Variants in PPM1L observed in about 807,000 individuals in gnomAD.
PPM1L encodes the protein protein phosphatase 1L.
A neutral mutation model predicts 31.4 loss-of-function variants in PPM1L; 13 were observed. That is an observed-to-expected ratio of 0.41 (90% confidence interval 0.27 to 0.66). The LOEUF (loss-of-function observed/expected upper bound fraction) is 0.66. Ranked by LOEUF, PPM1L falls within the 30% of genes least tolerant of loss-of-function variation. The pLI, the probability that PPM1L is intolerant of heterozygous loss-of-function variation, is 0.29. For synonymous variants in PPM1L, 184 were observed against 175.4 expected, an observed-to-expected ratio of 1.05 and a Z score of -0.39; for missense variants, 326 against 453.7, an observed-to-expected ratio of 0.72 and a Z score of 2.56.
At chr3:160,992,771 C>T (rs143539818) in intron 2 of PPM1L, among the ~76,000 whole-genome samples, 9 of 152,316 alleles carry the variant, frequency 5.9e-5, no homozygotes, top group Non-Finnish European at 1.5e-5. Flanking sequence ...GTTTGGATCA[C>T]ATGTTCTTCT....
intron 1 of PPM1L, among the ~76,000 whole-genome samples, chr3:160,837,343 T>G (rs1713750890): frequency 6.6e-6 from 1 of 152,182 alleles, no homozygotes; most frequent in African/African-American, 2.4e-5. Context: ...ATGATACTGT[T>G]ATAAGCTTAT....
At chr3:160,938,908 C>T (rs1460505182) in intron 1 of PPM1L, among the ~76,000 whole-genome samples, 1 of 152,192 alleles carries the variant, frequency 6.6e-6, no homozygotes, top group Admixed American at 6.5e-5. Context: ...AACAGCATGC[C>T]TTACCCACTT....
chr3:160,792,538 A>G (rs536956507), intron 1 of PPM1L, among the ~76,000 whole-genome samples: 1 of 152,302 alleles, frequency 6.6e-6, no homozygotes, highest in African/African-American at 2.4e-5. Flanking sequence ...TGATGAGCCA[A>G]TATTGATACA....
At chr3:160,808,394 T>A (rs1206881817) in intron 1 of PPM1L, among the ~76,000 whole-genome samples, 1 of 146,770 alleles carries the variant, frequency 6.8e-6, no homozygotes, top group Non-Finnish European at 1.5e-5. Flanking sequence ...TGTGTGTGTG[T>A]GTGTGTGTGT....
At chr3:160,768,582 A>G (rs933635133) in intron 1 of PPM1L, among the ~76,000 whole-genome samples, 13 of 152,218 alleles carry the variant, frequency 8.5e-5, no homozygotes, top group Admixed American at 7.9e-4. Flanking sequence ...TAGTTTCTAG[A>G]TAATCAGTAG....
chr3:161,057,133 G>C (rs1252827513), intron 2 of PPM1L, among the ~76,000 whole-genome samples: 2 of 152,098 alleles, frequency 1.3e-5, no homozygotes, highest in Non-Finnish European at 2.9e-5. Flanking sequence ...TCAGCCTAAT[G>C]GGTCAAAGAA....
chr3:160,891,299 AC>A (rs1441544064), intron 1 of PPM1L, among the ~76,000 whole-genome samples: 3 of 152,164 alleles, frequency 2.0e-5, no homozygotes, highest in African/African-American at 4.8e-5. Flanking sequence ...AAGAAAAAAA[AC>A]AACCCCATCA....
rs184395954 is a variant in PPM1L, at chr3:160,839,248, G to A, written c.399+82541G>A. On this transcript the variant is annotated intron_variant, in intron 1 of 3. Coordinates refer to ENST00000498165, the MANE Select transcript of PPM1L (RefSeq NM_139245.4). ...ACAACTTATTTGTAATTATGTTTGCGTAGCAAACTCACTGTTTTTACTTAG... is the reference window on the plus strand; with the variant it reads ...ACAACTTATTTGTAATTATGTTTGCATAGCAAACTCACTGTTTTTACTTAG... Among the ~76,000 whole-genome samples the A allele has an allele frequency of 1.3e-3, 192 of 152,322 alleles. 1 individual carries two copies. The highest frequency in any genetic ancestry group is 4.0e-3 in the African/African-American group (168 of 41,574).
At chr3:160,821,002 C>A (rs1194683540) in intron 1 of PPM1L, among the ~76,000 whole-genome samples, 1 of 151,790 alleles carries the variant, frequency 6.6e-6, no homozygotes, top group African/African-American at 2.4e-5. Flanking sequence ...CAGTTTATAC[C>A]CCCATTTGTA....
intron 1 of PPM1L, among the ~76,000 whole-genome samples, chr3:160,823,004 G>A (rs886204940): frequency 1.3e-5 from 2 of 151,914 alleles, no homozygotes; most frequent in Non-Finnish European, 2.9e-5. Flanking sequence ...GTGAATCTTA[G>A]AAGACAAAGT....
At chr3:160,790,080 G>A (rs1353808369) in intron 1 of PPM1L, among the ~76,000 whole-genome samples, 2 of 152,018 alleles carry the variant, frequency 1.3e-5, no homozygotes, top group Non-Finnish European at 2.9e-5. Context: ...ACAAAGTTCA[G>A]TACATGAAAC....
At chr3:160,959,596 G>C (rs1312428744) in intron 1 of PPM1L, among the ~76,000 whole-genome samples, 3 of 152,172 alleles carry the variant, frequency 2.0e-5, no homozygotes, top group African/African-American at 7.2e-5. Context: ...TTCGGAGGCT[G>C]AGGCGGGTGC....
intron 2 of PPM1L, among the ~76,000 whole-genome samples, chr3:161,028,965 T>C (rs1263163122): frequency 6.6e-6 from 1 of 152,214 alleles, no homozygotes; most frequent in East Asian, 1.9e-4. Context: ...TCATCACAGT[T>C]AATACACTTT....
At chr3:160,944,508 C>T (rs547485505) in intron 1 of PPM1L, among the ~76,000 whole-genome samples, 1 of 149,588 alleles carries the variant, frequency 6.7e-6, no homozygotes, top group South Asian at 2.1e-4. Context: ...CTAAGACTCT[C>T]TAACTTTTTA....
chr3:160,943,478 A>G (rs1478869038), intron 1 of PPM1L, among the ~76,000 whole-genome samples: 1 of 152,188 alleles, frequency 6.6e-6, no homozygotes, highest in Non-Finnish European at 1.5e-5. Context: ...GCTATCATTT[A>G]CAGAAGTTGT....
At chr3:160,787,656 A>G (rs1201101085) in intron 1 of PPM1L, among the ~76,000 whole-genome samples, 1 of 152,062 alleles carries the variant, frequency 6.6e-6, no homozygotes, top group East Asian at 1.9e-4. Flanking sequence ...TGGAGTCTTT[A>G]TCATGAAATC....
chr3:160,805,065 A>C (rs934660022), intron 1 of PPM1L, among the ~76,000 whole-genome samples: 1 of 152,138 alleles, frequency 6.6e-6, no homozygotes, highest in African/African-American at 2.4e-5. Context: ...GAAGCTGGCT[A>C]TGTTCCCAGC....
chr3:160,976,814 C>CA (rs1400536896), intron 2 of PPM1L, among the ~76,000 whole-genome samples: 2 of 152,154 alleles, frequency 1.3e-5, no homozygotes, highest in South Asian at 2.1e-4. Context: ...TTGATCCTTT[C>CA]AAAAAACCAG....
At chr3:161,049,212 A>G (rs1312689446) in intron 2 of PPM1L, among the ~76,000 whole-genome samples, 1 of 151,634 alleles carries the variant, frequency 6.6e-6, no homozygotes, top group Non-Finnish European at 1.5e-5. Flanking sequence ...GAGGAGATCG[A>G]GGCTGCAATG....
Sources: gnomAD v4.1 joint callset for allele counts (sites outside exome capture counted in the v4.1 genomes callset) on GRCh38, gnomAD v4.1.1 for gene constraint, MANE v1.5 for transcripts, NCBI Gene and HGNC (gene_info 2026-07-23, HGNC 2026-07-21) for gene names.